The following ROBO2 variants were observed in gnomAD, a reference collection of about 807,000 sequenced individuals.
ROBO2 encodes roundabout guidance receptor 2, also known as roundabout homolog 2.
ROBO2 carries 53 observed loss-of-function variants against 160.8 expected under a neutral mutation model. The ratio of observed to expected loss-of-function variants is 0.33; its 90% CI spans 0.26 to 0.41. The LOEUF is 0.41. Among genes scored for constraint, ROBO2 ranks in the 10% least tolerant of loss-of-function variants. The pLI is 1.00. For missense variants in ROBO2, 1,577 were observed against 1,722.4 expected, an observed-to-expected ratio of 0.92 and a Z score of 1.49; for synonymous variants, 664 against 611.7, an observed-to-expected ratio of 1.09 and a Z score of -1.26.
chr3:77,337,501 G>GTTA (rs146083576), intron 2 of ROBO2, among the ~76,000 whole-genome samples: 4,759 of 152,144 alleles, frequency 0.031, 246 homozygotes, highest in African/African-American at 0.1. Flanking sequence ...TGTTGAATAT[G>GTTA]TTACCTGAAC....
At chr3:76,880,401 G>C (rs1231123751) in intron 2 of ROBO2, among the ~76,000 whole-genome samples, 3 of 152,118 alleles carry the variant, frequency 2.0e-5, no homozygotes, top group African/African-American at 4.8e-5. Context: ...AGAAATGTAT[G>C]CTAGCTGAAC....
At chr3:77,021,290 T>C (rs2062618045) in intron 2 of ROBO2, among the ~76,000 whole-genome samples, 1 of 152,132 alleles carries the variant, frequency 6.6e-6, no homozygotes, top group Non-Finnish European at 1.5e-5. Flanking sequence ...TAGAATGCCT[T>C]CAGAAGCAAA....
At chr3:77,645,940 T>C (rs1380709093) in intron 25 of ROBO2, 114 bp from the exon 28 acceptor site, 3 of 637,854 alleles carry the variant, frequency 4.7e-6, no homozygotes, top group Admixed American at 3.2e-5. Flanking sequence ...CAAACTCATC[T>C]ATCTGAAGAC....
At chr3:76,753,692 T>A (rs1363064578) in intron 2 of ROBO2, among the ~76,000 whole-genome samples, 3 of 151,924 alleles carry the variant, frequency 2.0e-5, no homozygotes, top group Non-Finnish European at 4.4e-5. Context: ...CATTGCTATT[T>A]AAAAAGACAG....
chr3:77,199,843 G>A (rs1035437102), intron 2 of ROBO2, among the ~76,000 whole-genome samples: 2 of 151,020 alleles, frequency 1.3e-5, no homozygotes, highest in Middle Eastern at 3.2e-3. Flanking sequence ...GCCAAGGCTG[G>A]TCTTGAACTC....
intron 2 of ROBO2, among the ~76,000 whole-genome samples, chr3:76,498,371 A>C (rs1278018083): frequency 1.3e-5 from 2 of 152,146 alleles, no homozygotes; most frequent in Admixed American, 1.3e-4. Context: ...ATAAATTCAA[A>C]AGATGTATTG....
chr3:77,586,402 A>T (rs943085620), intron 16 of ROBO2, among the ~76,000 whole-genome samples: 8 of 152,156 alleles, frequency 5.3e-5, no homozygotes, highest in African/African-American at 1.9e-4. Context: ...TAATAGGTAC[A>T]ATCGAATCTG....
At chr3:76,116,521 G>A (rs1375664311) in intron 2 of ROBO2, among the ~76,000 whole-genome samples, 1 of 152,102 alleles carries the variant, frequency 6.6e-6, no homozygotes, top group Non-Finnish European at 1.5e-5. Flanking sequence ...GAGGAGAACC[G>A]AGATGCTTTC....
intron 2 of ROBO2, among the ~76,000 whole-genome samples, chr3:76,053,580 A>G: frequency 6.6e-6 from 1 of 152,156 alleles, no homozygotes; most frequent in Middle Eastern, 3.4e-3. Flanking sequence ...ATATAAATAG[A>G]AGTCAAAAGA....
chr3:77,378,422 A>G (rs1171562011), intron 2 of ROBO2, among the ~76,000 whole-genome samples: 7 of 152,192 alleles, frequency 4.6e-5, no homozygotes, highest in African/African-American at 1.4e-4. Flanking sequence ...CAGAACTAAG[A>G]TATTGTAAAG....
chr3:77,203,925 CT>C (rs1393046308), intron 2 of ROBO2, among the ~76,000 whole-genome samples: 1 of 152,170 alleles, frequency 6.6e-6, no homozygotes, highest in African/African-American at 2.4e-5. Flanking sequence ...GCAAAGTTGC[CT>C]CTCTGCATGG....
chr3:75,999,634 TTATTA>T (rs2065826337), intron 2 of ROBO2, among the ~76,000 whole-genome samples: 1 of 152,176 alleles, frequency 6.6e-6, no homozygotes, highest in Non-Finnish European at 1.5e-5. Context: ...TCAATTACTT[TTATTA>T]TTTTATTCTA....
chr3:77,049,296 C>CTTT (rs2064992891), intron 1 of ROBO2, among the ~76,000 whole-genome samples: 1 of 152,276 alleles, frequency 6.6e-6, no homozygotes, highest in South Asian at 2.1e-4. Context: ...CACCACTGCA[C>CTTT]TTTTGCCTGG....
chr3:76,593,021 T>A (rs1176614972), intron 2 of ROBO2, among the ~76,000 whole-genome samples: 1 of 152,074 alleles, frequency 6.6e-6, no homozygotes, highest in Non-Finnish European at 1.5e-5. Context: ...AGCTTACAGA[T>A]ACATCATAAT....
intron 2 of ROBO2, among the ~76,000 whole-genome samples, chr3:77,302,659 TAA>T (rs2062763676): frequency 6.6e-6 from 1 of 152,206 alleles, no homozygotes; most frequent in Admixed American, 6.6e-5. Context: ...TCGATTATTA[TAA>T]GAGGTTTTAA....
intron 2 of ROBO2, among the ~76,000 whole-genome samples, chr3:77,126,265 A>G (rs2075304460): frequency 6.6e-6 from 1 of 152,204 alleles, no homozygotes; most frequent in Non-Finnish European, 1.5e-5. Flanking sequence ...AACGTATTCA[A>G]AGATGATTTA....
chr3:77,365,603 T>C (rs1205163469), intron 2 of ROBO2, among the ~76,000 whole-genome samples: 2 of 152,150 alleles, frequency 1.3e-5, no homozygotes, highest in African/African-American at 2.4e-5. Flanking sequence ...TCACTTTGTG[T>C]AACACTCACT....
chr3:76,723,564 GC>G (rs1338268810), intron 2 of ROBO2, among the ~76,000 whole-genome samples: 2 of 151,978 alleles, frequency 1.3e-5, no homozygotes, highest in Admixed American at 6.6e-5. Flanking sequence ...ATAAGTCTAG[GC>G]CCCGCCCACT....
chr3:76,782,085 C>T lies in ROBO2; in HGVS notation c.110-315929C>T, dbSNP rs141282305. 2.7e-5 allele frequency among the ~76,000 whole-genome samples: 4 copies of T among 150,450 alleles called. No individual in the cohort carries two copies. The South Asian group carries it at 8.3e-4, about 31-fold the overall frequency. On this transcript the variant is annotated intron_variant, in intron 2 of 26. Transcript: ENST00000487694. ...ATTTTTTATATTATCATGATTAAGTCTTGGTAGATTGTAAGTTTTTAGGAA... is the reference window on the plus strand; with the variant it reads ...ATTTTTTATATTATCATGATTAAGTTTTGGTAGATTGTAAGTTTTTAGGAA...
Sources: gnomAD v4.1 joint callset for allele counts (sites outside exome capture counted in the v4.1 genomes callset) on GRCh38, gnomAD v4.1.1 for gene constraint, MANE v1.5 for transcripts, NCBI Gene and HGNC (gene_info 2026-07-23, HGNC 2026-07-21) for gene names.